Variants in CSMD3 observed in about 807,000 individuals in gnomAD.
The protein encoded by CSMD3 is CUB and Sushi multiple domains 3, also known as CUB and sushi domain-containing protein 3.
Under a neutral mutation model 435.2 loss-of-function variants are expected in CSMD3, and 177 were observed. The observed-to-expected ratio is 0.41, with a 90% CI of 0.36 to 0.46. CSMD3 has a LOEUF of 0.46. Ranked by LOEUF, CSMD3 falls within the 20% of genes least tolerant of loss-of-function variation. The probability of loss-of-function intolerance (pLI) is 0.34; values close to 1 mark genes in which losing one functional copy is unlikely to be tolerated. For synonymous variants in CSMD3, 1,656 were observed against 1,520.5 expected (o/e 1.09, Z -2.07); for missense variants, 4,265 against 4,504.6 (o/e 0.95, Z 1.52).
At chr8:113,006,965 G>T (rs1029909147) in intron 6 of CSMD3, among the ~76,000 whole-genome samples, 1 of 151,892 alleles carries the variant, frequency 6.6e-6, no homozygotes, top group Non-Finnish European at 1.5e-5. Flanking sequence ...TCTTAGGCCT[G>T]GGTCAGTCCT....
chr8:112,846,818 G>C (rs557654637), intron 11 of CSMD3, among the ~76,000 whole-genome samples: 4 of 151,548 alleles, frequency 2.6e-5, no homozygotes, highest in Admixed American at 2.6e-4. Flanking sequence ...TAAACCATTT[G>C]AACAAAAAAA....
intron 27 of CSMD3, among the ~76,000 whole-genome samples, chr8:112,527,711 TA>T (rs570122557): frequency 3.6e-4 from 55 of 152,132 alleles, no homozygotes; most frequent in African/African-American, 1.3e-3. Flanking sequence ...AATAAAATAT[TA>T]ATTTTTAACT....
At chr8:112,504,199 T>G (rs965546504) in intron 29 of CSMD3, among the ~76,000 whole-genome samples, 3 of 152,116 alleles carry the variant, frequency 2.0e-5, no homozygotes, top group Non-Finnish European at 2.9e-5. Context: ...TATTTTTACA[T>G]ATTTTTTAAG....
intron 32 of CSMD3, among the ~76,000 whole-genome samples, chr8:112,458,548 T>G (rs1009228974): frequency 6.6e-6 from 1 of 152,124 alleles, no homozygotes; most frequent in Non-Finnish European, 1.5e-5. Context: ...GTGACTATAA[T>G]TTTTAAAGTA....
intron 32 of CSMD3, among the ~76,000 whole-genome samples, chr8:112,416,024 A>G (rs1811875082): frequency 1.3e-5 from 2 of 152,148 alleles, no homozygotes; most frequent in Admixed American, 6.5e-5. Context: ...TTAATGCTGG[A>G]ATGAATGAAG....
intron 1 of CSMD3, among the ~76,000 whole-genome samples, chr8:113,335,549 TTTTTTTTTTTTTTG>T (rs1183428824): frequency 1.4e-5 from 2 of 142,694 alleles, no homozygotes; most frequent in African/African-American, 5.2e-5. Context: ...TTTTTTTTTT[TTTTTTTTTTTTTTG>T]GGTATTTACA....
chr8:112,337,798 A>T, intron 42 of CSMD3, 67 bp from the exon 43 acceptor site: 1 of 1,239,068 alleles, frequency 8.1e-7, no homozygotes, highest in Non-Finnish European at 1.1e-6. Context: ...AGGGTACTAC[A>T]GCAATTTTGC....
At chr8:113,434,386 G>A (rs1354869775) in intron 1 of CSMD3, among the ~76,000 whole-genome samples, 1 of 152,176 alleles carries the variant, frequency 6.6e-6, no homozygotes, top group African/African-American at 2.4e-5. Flanking sequence ...TTAAGGCATT[G>A]CATCAATCTT....
intron 38 of CSMD3, among the ~76,000 whole-genome samples, chr8:112,367,183 A>G (rs934553949): frequency 7.9e-5 from 12 of 151,112 alleles, no homozygotes; most frequent in Non-Finnish European, 1.6e-4. Context: ...CTATCACATT[A>G]CAATTTTTTC....
chr8:112,410,676 G>GTATA (rs369954404), intron 32 of CSMD3, among the ~76,000 whole-genome samples: 3 of 44,896 alleles, frequency 6.7e-5, no homozygotes, highest in Non-Finnish European at 1.4e-4. Context: ...ATATATATGT[G>GTATA]TATATATATA....
chr8:113,035,734 T>A (rs1346062215), intron 5 of CSMD3, among the ~76,000 whole-genome samples: 1 of 151,914 alleles, frequency 6.6e-6, no homozygotes, highest in Non-Finnish European at 1.5e-5. Flanking sequence ...CTTAGAGGCA[T>A]AAAATTGGAG....
intron 67 of CSMD3, among the ~76,000 whole-genome samples, chr8:112,235,516 G>A (rs754930820): frequency 6.6e-6 from 1 of 152,162 alleles, no homozygotes; most frequent in Non-Finnish European, 1.5e-5. Flanking sequence ...ACATAAGGAA[G>A]AGAAGCAAAA....
Position 112,400,085 on chromosome 8 carries a change from C to T in CSMD3, c.5809+6439G>A, listed in dbSNP as rs891262238. 5.9e-5 allele frequency among the ~76,000 whole-genome samples: 9 copies of T among 152,098 alleles called. No individual in the cohort carries two copies. In the South Asian group the frequency reaches 1.0e-3, roughly 18 times the overall value. On this transcript the variant is annotated intron_variant, in intron 35 of 70. Coordinates refer to ENST00000297405, the MANE Select transcript of CSMD3 (RefSeq NM_198123.2). ...TTACAGTAGCACCCCACTCCTGGTA[C>T]CAATTTTCCATCTTAGTCTGTTCAG...
At position 112,722,194 on chromosome 8, in the gene CSMD3, GA is replaced by G. The variant is rs576268716; in HGVS notation, c.1973-32145del. ...CTCTGCTAAAAATTCAGTGAAAAGA[GA>G]AAAAAAAAAAAAGCAAGGGAACTGT... On this transcript the variant is annotated intron_variant, in intron 13 of 70. Transcript: ENST00000297405. 9.0e-3 allele frequency among the ~76,000 whole-genome samples: 738 copies of G among 82,126 alleles called. 4 individuals carry two copies. Among genetic ancestry groups the G allele is most frequent in the African/African-American group, 0.022 (482 of 21,982 alleles). The allele number at this position is 82,126 out of a possible 152,430, so 53.9% of individuals were successfully genotyped here.
chr8:113,227,492 G>A (rs1159066622), intron 3 of CSMD3, among the ~76,000 whole-genome samples: 1 of 151,612 alleles, frequency 6.6e-6, no homozygotes, highest in Non-Finnish European at 1.5e-5. Context: ...TACATGATAT[G>A]GTTTGAGTCT....
intron 7 of CSMD3, among the ~76,000 whole-genome samples, chr8:112,970,484 T>G (rs1287902061): frequency 6.6e-6 from 1 of 151,550 alleles, no homozygotes; most frequent in Non-Finnish European, 1.5e-5. Context: ...CAAATGTCAC[T>G]AGATATATAT....
At chr8:112,918,237 C>T (rs1022036848) in intron 10 of CSMD3, among the ~76,000 whole-genome samples, 1 of 151,738 alleles carries the variant, frequency 6.6e-6, no homozygotes, top group Non-Finnish European at 1.5e-5. Flanking sequence ...TGAATAATAA[C>T]AATTTCATGC....
chr8:112,244,989 A>G (rs1814578363), intron 64 of CSMD3, among the ~76,000 whole-genome samples: 1 of 151,886 alleles, frequency 6.6e-6, no homozygotes, highest in Non-Finnish European at 1.5e-5. Context: ...TGAGTTTAGA[A>G]AATATTATTT....
intron 13 of CSMD3, among the ~76,000 whole-genome samples, chr8:112,778,556 C>G (rs1055456813): frequency 4.0e-5 from 6 of 151,746 alleles, no homozygotes; most frequent in Non-Finnish European, 8.8e-5. Context: ...TTCTTTTTAG[C>G]GCCATAGTTT....
Sources: gnomAD v4.1 joint callset for allele counts (sites outside exome capture counted in the v4.1 genomes callset) on GRCh38, gnomAD v4.1.1 for gene constraint, MANE v1.5 for transcripts, NCBI Gene and HGNC (gene_info 2026-07-23, HGNC 2026-07-21) for gene names.